Variants in POMGNT1 observed in about 807,000 individuals in gnomAD.
POMGNT1 encodes the protein protein O-linked-mannose beta-1,2-N-acetylglucosaminyltransferase 1.
In POMGNT1, 67 loss-of-function variants were observed where a neutral mutation model predicts 95.6. That is an observed-to-expected ratio of 0.70 (90% CI 0.58 to 0.86). POMGNT1 has a LOEUF of 0.86. Ranked by LOEUF, POMGNT1 falls within the 40% of genes least tolerant of loss-of-function variation. The pLI is 0.00. For missense variants in POMGNT1, 719 were observed against 855.2 expected (o/e 0.84, Z 1.99); for synonymous variants, 298 against 317.9 (o/e 0.94, Z 0.66).
chr1:46,198,527 CGGCGGCGGCGGCGGT>C (rs1009136978), upstream of POMGNT1: 29 of 146,450 alleles, frequency 2.0e-4, no homozygotes, highest in South Asian at 2.6e-3. Flanking sequence ...AGGGCGGCGG[CGGCGGCGGCGGCGGT>C]GGCGGCAGCG....
At position 46,188,892 on chromosome 1, in the gene POMGNT1, A is replaced by T. The variant is rs779337491; in HGVS notation, c.*378T>A. ...AGCCCCACCCTCAGGGCAGCATTCCAGCCCAAAAAGAAATCCAGGCCCTCC... is the reference window on the plus strand; with the variant it reads ...AGCCCCACCCTCAGGGCAGCATTCCTGCCCAAAAAGAAATCCAGGCCCTCC... On this transcript the variant is annotated 3_prime_UTR_variant, in exon 22 of 22. Coordinates refer to ENST00000371984, the MANE Select transcript of POMGNT1 (RefSeq NM_017739.4). The T allele has an allele frequency of 4.3e-6, 7 of 1,612,706 alleles. No homozygotes were observed. Among genetic ancestry groups the T allele is most frequent in the Non-Finnish European group, 5.9e-6 (7 of 1,179,874 alleles).
chr1:46,212,487 T>C (rs1463160240), intron 1 of POMGNT1, among the ~76,000 whole-genome samples: 1 of 152,042 alleles, frequency 6.6e-6, no homozygotes. Context: ...TTCACCGTGT[T>C]AGCCAGGATG....
At chr1:46,197,420 T>TA in intron 2 of POMGNT1, 3 of 1,491,614 alleles carry the variant, frequency 2.0e-6, no homozygotes, top group Non-Finnish European at 2.7e-6. Context: ...CAGACCTGGG[T>TA]CCTGGCCCTA....
rs1426731829 is a variant in POMGNT1 at position 46,188,968 on chromosome 1, T to C, written c.*302A>G. Reference sequence around the variant, plus strand: ...CAGGACAGTCAATAAATAGGTTAGATTCTGAGCCAGGCCTGGAAAGTGAGG... The same window carrying C: ...CAGGACAGTCAATAAATAGGTTAGACTCTGAGCCAGGCCTGGAAAGTGAGG... On this transcript the variant is annotated 3_prime_UTR_variant, in exon 22 of 22. Transcript: ENST00000371984. 1.2e-6 allele frequency: 2 copies of C among 1,610,414 alleles called. No individual in the cohort carries two copies. Among genetic ancestry groups the C allele is most frequent in the African/African-American group, 1.3e-5 (1 of 74,968 alleles).
chr1:46,190,095 T>TTA, intron 19 of POMGNT1, 106 bp from the exon 20 acceptor site: 141 of 1,233,876 alleles, frequency 1.1e-4, no homozygotes, highest in Non-Finnish European at 1.5e-4. Flanking sequence ...CACCTTGAAG[T>TTA]TCTTTTTTTT....
Position 46,193,351 on chromosome 1 carries a change from C to G in POMGNT1, c.1064G>C (p.Gly355Ala). The G allele has an allele frequency of 1.2e-6, 2 of 1,613,428 alleles. No homozygotes were observed. Among genetic ancestry groups the G allele is most frequent in the Non-Finnish European group, 1.7e-6 (2 of 1,179,734 alleles). ...GATGCTGATGGGAGTATGCTGGATG[C>G]CCCTCAGACCAAACAGTGCCACCAC... ...MDVVALFGLR[G>A]IQHTPISIKN... The change falls in exon 12 of 22, where the codon GGC (glycine) becomes GCC (alanine). Residue 355 changes from glycine to alanine, a missense_variant. Physicochemically the swap from Gly to Ala is moderately conservative, Grantham distance 60. This residue lies in a region of POMGNT1 where 466 missense variants were observed against 517.4 expected (regional missense o/e 0.90). Transcript: ENST00000371984.
intron 1 of POMGNT1, among the ~76,000 whole-genome samples, chr1:46,207,832 C>T (rs1308504725): frequency 6.6e-6 from 1 of 151,896 alleles, no homozygotes; most frequent in Non-Finnish European, 1.5e-5. Context: ...GCCACTGCAC[C>T]TGGCCTGAAC....
At chr1:46,203,730 T>C in intron 1 of POMGNT1, 1 of 1,079,176 alleles carries the variant, frequency 9.3e-7, no homozygotes, top group African/African-American at 1.6e-5. Flanking sequence ...GTTAAAACTC[T>C]CCACCTAACT....
At chr1:46,204,578 G>T (rs146883303) in intron 1 of POMGNT1, among the ~76,000 whole-genome samples, 12 of 152,320 alleles carry the variant, frequency 7.9e-5, no homozygotes, top group African/African-American at 2.9e-4. Flanking sequence ...GAAGGAGAAG[G>T]GGAAGGAAAT....
Position 46,189,092 on chromosome 1 carries a change from C to A in POMGNT1, c.*178G>T. Reference sequence around the variant, plus strand: ...GAAGTAAATAAATAGACTTTTAACTCAGGAACGGGGTGTTGGAGCAGGGGA... The same window carrying A: ...GAAGTAAATAAATAGACTTTTAACTAAGGAACGGGGTGTTGGAGCAGGGGA... On this transcript the variant is annotated 3_prime_UTR_variant, in exon 22 of 22. Transcript: ENST00000371984. The A allele has an allele frequency of 6.6e-7, 1 of 1,505,266 alleles. No homozygotes were observed. The highest frequency in any genetic ancestry group is 1.4e-5 in the South Asian group (1 of 73,652). 93.2% of individuals were successfully genotyped at this position (1,505,266 alleles called of 1,614,324 possible).
chr1:46,209,102 GC>G (rs1658812005), intron 1 of POMGNT1, among the ~76,000 whole-genome samples: 1 of 151,870 alleles, frequency 6.6e-6, no homozygotes, highest in Non-Finnish European at 1.5e-5. Context: ...TTGGCTCACC[GC>G]AACCTCCGCC....
rs1306582363 is a variant in POMGNT1, at chr1:46,197,006, C to T, written c.199G>A (p.Glu67Lys). 1 of 1,614,204 alleles carries T rather than the reference C, an allele frequency of 6.2e-7. No homozygotes were observed. The highest frequency in any genetic ancestry group is 2.2e-5 in the East Asian group (1 of 44,886). The change falls in exon 3 of 22, where the codon GAA becomes AAA. Residue 67 changes from glutamate to lysine, a missense_variant. Coordinates refer to ENST00000371984, the MANE Select transcript of POMGNT1 (RefSeq NM_017739.4). ...LILDTRRAIS[E>K]ANEDPEPEQD... is the part of the protein sequence containing the mutation. Reference sequence around the variant, plus strand: ...TCTGGCTCTGGGTCTTCATTGGCTTCACTGATGGCTCGCCGAGTGTCCAGG... The same window carrying T: ...TCTGGCTCTGGGTCTTCATTGGCTTTACTGATGGCTCGCCGAGTGTCCAGG...
chr1:46,205,243 G>A (rs560008170), intron 1 of POMGNT1, among the ~76,000 whole-genome samples: 1 of 152,002 alleles, frequency 6.6e-6, no homozygotes, highest in Admixed American at 6.6e-5. Flanking sequence ...GGGTGACAGA[G>A]CTCAGAGCTA....
At chr1:46,190,667 C>A in intron 18 of POMGNT1, 53 bp downstream of exon 18, 1 of 1,560,480 alleles carries the variant, frequency 6.4e-7, no homozygotes, top group Non-Finnish European at 8.8e-7. Flanking sequence ...CTTTCAGGGA[C>A]TGGCCTCCAA....
In POMGNT1 at chr1:46,189,112, A is replaced by C; in HGVS notation, c.*158T>G. ...TAACTCAGGAACGGGGTGTTGGAGC[A>C]GGGGAACCCTCCCCTTGGAGTTAGT... On this transcript the variant is annotated 3_prime_UTR_variant, in exon 22 of 22. Transcript: ENST00000371984. 1 of 1,496,208 alleles carries C rather than the reference A, an allele frequency of 6.7e-7. No homozygotes were observed. Among genetic ancestry groups the C allele is most frequent in the South Asian group, 1.4e-5 (1 of 72,486 alleles). The allele number at this position is 1,496,208 out of a possible 1,614,324, so 92.7% of individuals were successfully genotyped here. A position where few individuals can be genotyped will look rare whatever the true frequency, so the allele number is the denominator to read the frequency against.
At chr1:46,189,771 C>T in intron 20 of POMGNT1, 83 bp downstream of exon 20, 2 of 1,595,030 alleles carry the variant, frequency 1.3e-6, no homozygotes, top group Non-Finnish European at 1.7e-6. Context: ...GTTGAAGATT[C>T]CAGAGCAAAG....
chr1:46,206,791 G>A (rs1294297304), intron 1 of POMGNT1, among the ~76,000 whole-genome samples: 3 of 152,188 alleles, frequency 2.0e-5, no homozygotes, highest in Admixed American at 1.3e-4. Flanking sequence ...GAGAATCACA[G>A]AACTGAATGT....
chr1:46,199,832 A>G (rs1242231702), upstream of POMGNT1, among the ~76,000 whole-genome samples: 1 of 152,188 alleles, frequency 6.6e-6, no homozygotes, highest in African/African-American at 2.4e-5. Context: ...TTTTCCTAGT[A>G]AGTATGTATA....
At chr1:46,209,424 TG>T (rs1658823346) in intron 1 of POMGNT1, among the ~76,000 whole-genome samples, 1 of 152,156 alleles carries the variant, frequency 6.6e-6, no homozygotes, top group African/African-American at 2.4e-5. Context: ...ACAAAAGGGC[TG>T]GTTGAATGTT....
Sources: gnomAD v4.1 joint callset for allele counts (sites outside exome capture counted in the v4.1 genomes callset) on GRCh38, gnomAD v4.1.1 for gene constraint, gnomAD v4.1.1 regional missense constraint, MANE v1.5 for transcripts, NCBI Gene and HGNC (gene_info 2026-07-23, HGNC 2026-07-21) for gene names.